Variants in PLCB1 observed in about 807,000 individuals in gnomAD.
PLCB1 encodes the protein 1-phosphatidylinositol 4,5-bisphosphate phosphodiesterase beta-1.
Under a neutral mutation model 161.8 loss-of-function variants are expected in PLCB1, and 46 were observed. That is an observed-to-expected ratio of 0.28 (90% CI 0.22 to 0.36). PLCB1 has a LOEUF of 0.36. Among genes scored for constraint, PLCB1 ranks in the 10% least tolerant of loss-of-function variants. The pLI is 1.00. For synonymous variants in PLCB1, 517 were observed against 503.7 expected (o/e 1.03, Z -0.35); for missense variants, 1,016 against 1,472.5 (o/e 0.69, Z 5.07).
intron 2 of PLCB1, among the ~76,000 whole-genome samples, chr20:8,174,163 T>G (rs1312587534): frequency 6.8e-6 from 1 of 147,816 alleles, no homozygotes; most frequent in Admixed American, 6.7e-5. Flanking sequence ...AGGATACACC[T>G]TAGCAAATCT....
At chr20:8,465,658 A>G (rs1009537111) in intron 3 of PLCB1, among the ~76,000 whole-genome samples, 1 of 152,130 alleles carries the variant, frequency 6.6e-6, no homozygotes, top group Non-Finnish European at 1.5e-5. Flanking sequence ...GTTTGTTTTC[A>G]TCCTTTTCCA....
rs1029615721 is a variant in PLCB1 at position 8,884,723 on chromosome 20, T to A, written c.*2874T>A. The A allele has an allele frequency of 5.2e-5, 8 of 152,628 alleles. No homozygotes were observed. The highest frequency in any genetic ancestry group is 2.0e-4 in the Admixed American group (3 of 15,274). 9.5% of individuals were successfully genotyped at this position (152,628 alleles called of 1,614,324 possible). ...AGAAGAAAAAAAAGATAGGACAAAG[T>A]ATTTGAAGCTCTTAAAATGTACATA... On this transcript the variant is annotated 3_prime_UTR_variant, in exon 32 of 32. Transcript: ENST00000338037.
chr20:8,803,634 A>G (rs1461148319), intron 31 of PLCB1, among the ~76,000 whole-genome samples: 1 of 152,176 alleles, frequency 6.6e-6, no homozygotes, highest in East Asian at 1.9e-4. Context: ...TCTGGCTTCT[A>G]CAAGAAGGCA....
intron 9 of PLCB1, among the ~76,000 whole-genome samples, chr20:8,684,618 GATA>G (rs1253733596): frequency 1.3e-5 from 2 of 152,068 alleles, no homozygotes; most frequent in Non-Finnish European, 2.9e-5. Flanking sequence ...ATTACACAGA[GATA>G]AGCACTGATA....
At position 8,299,003 on chromosome 20, in the gene PLCB1, T is replaced by C. The variant is rs1000884380; in HGVS notation, c.178-72379T>C. Among the ~76,000 whole-genome samples the C allele has an allele frequency of 9.6e-5, 3 of 31,298 alleles. No individual in the cohort carries two copies. The African/African-American group carries it at 9.7e-4, about 10-fold the overall frequency. The allele number at this position is 31,298 out of a possible 152,430, so 20.5% of individuals were successfully genotyped here. On this transcript the variant is annotated intron_variant, in intron 2 of 31. Transcript: ENST00000338037. ...AATTACTTTTGAACCAACTTATAGGTAGGTAGATAGACAGACTAGATTCAT... is the reference window on the plus strand; with the variant it reads ...AATTACTTTTGAACCAACTTATAGGCAGGTAGATAGACAGACTAGATTCAT...
At chr20:8,717,041 C>T (rs1252280492) in intron 13 of PLCB1, among the ~76,000 whole-genome samples, 2 of 152,160 alleles carry the variant, frequency 1.3e-5, no homozygotes, top group Admixed American at 1.3e-4. Context: ...TCTAATGACC[C>T]CCTCATGGGA....
intron 3 of PLCB1, among the ~76,000 whole-genome samples, chr20:8,374,143 G>A (rs1222519629): frequency 6.6e-6 from 1 of 152,060 alleles, no homozygotes; most frequent in African/African-American, 2.4e-5. Flanking sequence ...ATCCCCATGT[G>A]TCGAGGGAGA....
chr20:8,781,177 T>A (rs142289913), intron 27 of PLCB1, among the ~76,000 whole-genome samples: 1 of 152,172 alleles, frequency 6.6e-6, no homozygotes, highest in Non-Finnish European at 1.5e-5. Context: ...CTACTGTCAG[T>A]TGTGGTAGTG....
rs1982827826 is a variant in PLCB1, at chr20:8,280,563, A to G, written c.178-90819A>G. Among the ~76,000 whole-genome samples, 9 of 152,182 alleles carry G rather than the reference A, an allele frequency of 5.9e-5. 1 individual carries two copies. The South Asian group carries it at 1.9e-3, about 32-fold the overall frequency. ...TGACTGCAAGAAATTTTGATTCTAC[A>G]TATTTAAACAATATAGCCTTCCAGG... On this transcript the variant is annotated intron_variant, in intron 2 of 31. Coordinates refer to ENST00000338037, the MANE Select transcript of PLCB1 (RefSeq NM_015192.4).
At chr20:8,656,507 C>T (rs575538668) in intron 7 of PLCB1, among the ~76,000 whole-genome samples, 6 of 151,946 alleles carry the variant, frequency 3.9e-5, no homozygotes, top group South Asian at 2.1e-4. Context: ...TACATGCTTC[C>T]GGTTTCCATG....
intron 3 of PLCB1, among the ~76,000 whole-genome samples, chr20:8,502,925 C>G (rs1983484580): frequency 6.6e-6 from 1 of 152,154 alleles, no homozygotes; most frequent in African/African-American, 2.4e-5. Context: ...AGTACAGATT[C>G]AGTCCCCTCT....
At chr20:8,747,268 G>C (rs557161247) in intron 23 of PLCB1, among the ~76,000 whole-genome samples, 253 of 152,252 alleles carry the variant, frequency 1.7e-3, no homozygotes, top group Non-Finnish European at 2.7e-3. Context: ...TGATTGATTT[G>C]TGCATTGGCT....
At chr20:8,226,249 C>T (rs1394651808) in intron 2 of PLCB1, among the ~76,000 whole-genome samples, 1 of 152,190 alleles carries the variant, frequency 6.6e-6, no homozygotes, top group Non-Finnish European at 1.5e-5. Context: ...CTTCTGTCCA[C>T]TAATCCTACA....
chr20:8,698,010 A>G (rs1990618338), intron 11 of PLCB1, among the ~76,000 whole-genome samples: 1 of 152,242 alleles, frequency 6.6e-6, no homozygotes, highest in African/African-American at 2.4e-5. Context: ...GTGAAAGGAA[A>G]TATCAAGGTA....
At chr20:8,565,591 C>T (rs950306351) in intron 3 of PLCB1, among the ~76,000 whole-genome samples, 1 of 151,762 alleles carries the variant, frequency 6.6e-6, no homozygotes, top group African/African-American at 2.4e-5. Context: ...TCTGAATAGG[C>T]AAACAGAAAT....
chr20:8,328,627 C>T (rs1339391173), intron 2 of PLCB1, among the ~76,000 whole-genome samples: 2 of 151,128 alleles, frequency 1.3e-5, no homozygotes, highest in East Asian at 1.9e-4. Context: ...ATAAACTTTA[C>T]AAATTAAATG....
intron 2 of PLCB1, among the ~76,000 whole-genome samples, chr20:8,277,444 A>G (rs537268817): frequency 6.6e-6 from 1 of 152,122 alleles, no homozygotes; most frequent in Admixed American, 6.6e-5. Context: ...TCTTAGATAT[A>G]TAAATGCTAC....
At chr20:8,332,005 A>G (rs927962589) in intron 2 of PLCB1, among the ~76,000 whole-genome samples, 4 of 152,202 alleles carry the variant, frequency 2.6e-5, no homozygotes, top group African/African-American at 9.6e-5. Flanking sequence ...CATCTGTAAA[A>G]CAAGTGATTC....
intron 9 of PLCB1, among the ~76,000 whole-genome samples, chr20:8,680,371 T>C (rs573487380): frequency 4.6e-5 from 7 of 152,330 alleles, no homozygotes. Flanking sequence ...ACAAAACATC[T>C]GTATTTTTGC....
Sources: allele counts gnomAD v4.1 joint callset (sites outside exome capture counted in the v4.1 genomes callset), GRCh38; gene constraint gnomAD v4.1.1; transcripts MANE v1.5; gene names NCBI Gene and HGNC (gene_info 2026-07-23, HGNC 2026-07-21).